Variants in PACRGL observed in about 807,000 individuals in gnomAD.
The protein encoded by PACRGL is parkin coregulated like, also known as PACRG-like protein.
PACRGL carries 38 observed loss-of-function variants against 34.5 expected under a neutral mutation model. That is an observed-to-expected ratio of 1.10 (90% CI 0.85 to 1.44). The LOEUF is 1.44. PACRGL is among the 40% of genes most tolerant of loss of function. The probability of loss-of-function intolerance (pLI) is 0.00; values close to 1 mark genes in which losing one functional copy is unlikely to be tolerated. For missense variants in PACRGL, 305 were observed against 281.4 expected, an observed-to-expected ratio of 1.08 and a Z score of -0.60; for synonymous variants, 128 against 100.1, an observed-to-expected ratio of 1.28 and a Z score of -1.66.
chr4:20,760,575 G>C, the PACRGL span, among the ~76,000 whole-genome samples: 1 of 152,148 alleles, frequency 6.6e-6, no homozygotes, highest in African/African-American at 2.4e-5. Flanking sequence ...ATGTGAATTT[G>C]TGTTTACAGA....
chr4:20,703,008 T>C (rs999004434), intron 1 of PACRGL, among the ~76,000 whole-genome samples: 1 of 152,214 alleles, frequency 6.6e-6, no homozygotes, highest in African/African-American at 2.4e-5. Context: ...TGGTACATCA[T>C]GTTTGAGATA....
At chr4:20,734,574 G>T, downstream of PACRGL, 1 of 849,512 alleles carries the variant, frequency 1.2e-6, no homozygotes, top group Non-Finnish European at 1.8e-6. Context: ...ATATTTTAAA[G>T]TTAAGAAATG....
chr4:20,722,044 C>G (rs552756168), intron 7 of PACRGL, among the ~76,000 whole-genome samples: 1 of 152,374 alleles, frequency 6.6e-6, no homozygotes, highest in African/African-American at 2.4e-5. Context: ...CTCTCCCAGC[C>G]TTGCTGCCGC....
chr4:20,734,786 AAC>A (rs1339499845), downstream of PACRGL: 15 of 1,046,108 alleles, frequency 1.4e-5, no homozygotes, highest in Non-Finnish European at 2.1e-5. Context: ...AAAAAACAAA[AAC>A]AAAAAAAACA....
chr4:20,726,160 G>T (rs778385367), intron 8 of PACRGL, among the ~76,000 whole-genome samples: 4 of 152,014 alleles, frequency 2.6e-5, no homozygotes, highest in Admixed American at 6.6e-5. Context: ...TTTGTGGTGG[G>T]AGTGGAGGGG....
chr4:20,753,460 G>T (rs1389309155), downstream of PACRGL, among the ~76,000 whole-genome samples: 1 of 152,058 alleles, frequency 6.6e-6, no homozygotes, highest in East Asian at 1.9e-4. Flanking sequence ...ATTATATCGA[G>T]AACACAGTGA....
At chr4:20,700,324 T>C (rs528398863), upstream of PACRGL, 2 of 152,336 alleles carry the variant, frequency 1.3e-5, no homozygotes, top group Admixed American at 6.5e-5. Flanking sequence ...CCTGAACTCC[T>C]GGCGCCTGGT....
In PACRGL at chr4:20,728,559, TTTAA is replaced by T. The variant is rs1202664357; in HGVS notation, c.*1226_*1229del. 2.0e-5 allele frequency: 3 copies of T among 152,520 alleles called. No individual in the cohort carries two copies. Among genetic ancestry groups the T allele is most frequent in the African/African-American group, 4.8e-5 (2 of 41,470 alleles). 9.4% of individuals were successfully genotyped at this position (152,520 alleles called of 1,614,324 possible). A position where few individuals can be genotyped will look rare whatever the true frequency, so the allele number is the denominator to read the frequency against. On this transcript the variant is annotated 3_prime_UTR_variant, in exon 9 of 9. Coordinates refer to ENST00000503585, the MANE Select transcript of PACRGL (RefSeq NM_001258345.3). ...CTGCCATCTAGAAAGTACTGTAAGA[TTTAA>T]TTAATTACAAAATTTCTTGGAAAAG...
At chr4:20,749,606 CCT>C (rs1352660922) in intron 8 of PACRGL, 2 of 1,227,758 alleles carry the variant, frequency 1.6e-6, no homozygotes, top group African/African-American at 3.0e-5. Context: ...ACATTTTCCC[CCT>C]AAAAAGACTA....
chr4:20,702,379 T>A (rs993409727), intron 1 of PACRGL, among the ~76,000 whole-genome samples: 2 of 152,156 alleles, frequency 1.3e-5, no homozygotes, highest in African/African-American at 4.8e-5. Flanking sequence ...GTCTTCAAAT[T>A]GATGTAGCCC....
chr4:20,715,407 A>G (rs1281805206), intron 7 of PACRGL, among the ~76,000 whole-genome samples: 2 of 152,114 alleles, frequency 1.3e-5, no homozygotes, highest in East Asian at 3.9e-4. Context: ...CATGTACCCT[A>G]AAACTTAAAG....
chr4:20,747,905 C>T (rs755220819), intron 8 of PACRGL, among the ~76,000 whole-genome samples: 14 of 152,314 alleles, frequency 9.2e-5, no homozygotes, highest in East Asian at 3.9e-4. Flanking sequence ...TAGCTGCCTA[C>T]GCCCATATGA....
At position 20,703,477 on chromosome 4, in the gene PACRGL, A is replaced by AGTGTGTGTGT. The variant is rs34932810; in HGVS notation, c.-16-964_-16-955dup. ...ATACCAGTAGGCACTTGGGTATATG[A>AGTGTGTGTGT]GTGTGTGTGTGTGTGTGTGTGTGTG... is the stretch of plus-strand genomic sequence containing the variant. On this transcript the variant is annotated intron_variant, in intron 1 of 8. Transcript: ENST00000503585. 4.6e-3 allele frequency among the ~76,000 whole-genome samples: 653 copies of AGTGTGTGTGT among 141,542 alleles called. 2 individuals carry two copies. Among genetic ancestry groups the AGTGTGTGTGT allele is most frequent in the African/African-American group, 0.016 (608 of 38,282 alleles). 92.9% of individuals were successfully genotyped at this position (141,542 alleles called of 152,430 possible).
At chr4:20,726,857 C>T (rs1016439182) in intron 8 of PACRGL, among the ~76,000 whole-genome samples, 1 of 152,110 alleles carries the variant, frequency 6.6e-6, no homozygotes, top group East Asian at 1.9e-4. Context: ...AAATCCTGAT[C>T]TTTATTGATT....
At chr4:20,710,146 AC>A (rs1736470448) in intron 5 of PACRGL, among the ~76,000 whole-genome samples, 1 of 152,206 alleles carries the variant, frequency 6.6e-6, no homozygotes, top group Non-Finnish European at 1.5e-5. Flanking sequence ...GGTTCTATGT[AC>A]AACCAATCGT....
At chr4:20,760,650 C>T in the PACRGL span, among the ~76,000 whole-genome samples, 1 of 152,098 alleles carries the variant, frequency 6.6e-6, no homozygotes, top group Non-Finnish European at 1.5e-5. Flanking sequence ...TAGCTGCATT[C>T]ACAGAGGCAG....
At chr4:20,712,119 G>T (rs1737539370) in intron 5 of PACRGL, among the ~76,000 whole-genome samples, 1 of 151,748 alleles carries the variant, frequency 6.6e-6, no homozygotes, top group African/African-American at 2.4e-5. Flanking sequence ...CCTTCTTTTT[G>T]TCTATAGTTT....
upstream of PACRGL, among the ~76,000 whole-genome samples, chr4:20,698,475 A>C (rs1406639432): frequency 6.6e-6 from 1 of 152,140 alleles, no homozygotes; most frequent in Non-Finnish European, 1.5e-5. Flanking sequence ...AAAAATCCAT[A>C]GCTATGCCCA....
chr4:20,738,896 G>C (rs776744000), intron 8 of PACRGL, among the ~76,000 whole-genome samples: 9 of 152,142 alleles, frequency 5.9e-5, no homozygotes, highest in Admixed American at 3.9e-4. Flanking sequence ...TGCCAATATT[G>C]TGCTTTTCCA....
Sources: gnomAD v4.1 joint callset for allele counts (sites outside exome capture counted in the v4.1 genomes callset) on GRCh38, gnomAD v4.1.1 for gene constraint, MANE v1.5 for transcripts, NCBI Gene and HGNC (gene_info 2026-07-23, HGNC 2026-07-21) for gene names.